The following GPR39 variants were observed in gnomAD, a reference collection of about 807,000 sequenced individuals.
The protein encoded by GPR39 is G protein-coupled receptor 39, also known as zinc sensing receptor.
GPR39 carries 23 observed loss-of-function variants against 18.4 expected under a neutral mutation model. The ratio of observed to expected loss-of-function variants is 1.25; its 90% CI spans 0.90 to 1.77. The LOEUF is 1.77. GPR39 is among the 40% of genes most tolerant of loss of function. The pLI is 0.00. For missense variants in GPR39, 647 were observed against 602.4 expected, an observed-to-expected ratio of 1.07 and a Z score of -0.78; for synonymous variants, 280 against 257.9, an observed-to-expected ratio of 1.09 and a Z score of -0.82.
chr2:132,427,402 C>T (rs928336323), intron 1 of GPR39, among the ~76,000 whole-genome samples: 4 of 150,228 alleles, frequency 2.7e-5, no homozygotes, highest in South Asian at 4.2e-4. Context: ...CTCCTGACCT[C>T]GTGATCCACC....
intron 1 of GPR39, among the ~76,000 whole-genome samples, chr2:132,589,351 G>T (rs1171644786): frequency 2.0e-5 from 3 of 152,198 alleles, no homozygotes; most frequent in Non-Finnish European, 4.4e-5. Flanking sequence ...GATCACTGGG[G>T]ACAGGATACA....
chr2:132,636,506 C>T (rs1007549842), intron 1 of GPR39, among the ~76,000 whole-genome samples: 2 of 152,210 alleles, frequency 1.3e-5, no homozygotes, highest in Non-Finnish European at 2.9e-5. Flanking sequence ...GCTAAGTGCA[C>T]TGGCTGGCTT....
chr2:132,575,939 T>C (rs2104818609), intron 1 of GPR39, among the ~76,000 whole-genome samples: 1 of 152,218 alleles, frequency 6.6e-6, no homozygotes, highest in African/African-American at 2.4e-5. Context: ...GGACTCCTTC[T>C]AACATGTGAG....
At chr2:132,544,915 C>T (rs534712481) in intron 1 of GPR39, among the ~76,000 whole-genome samples, 2 of 152,102 alleles carry the variant, frequency 1.3e-5, no homozygotes, top group South Asian at 2.1e-4. Flanking sequence ...AACAAAGGCA[C>T]CACTCAAAGG....
intron 1 of GPR39, chr2:132,488,564 A>G (rs1184022967): frequency 6.5e-6 from 1 of 153,334 alleles, no homozygotes; most frequent in Non-Finnish European, 1.5e-5. Context: ...ACTCAGCCAC[A>G]TTCTGCTCAG....
Position 132,645,125 on chromosome 2 carries a change from T to G in GPR39, c.881T>G (p.Val294Gly). 5.0e-6 allele frequency: 8 copies of G among 1,613,730 alleles called. No individual in the cohort carries two copies. The highest frequency in any genetic ancestry group is 1.3e-5 in the African/African-American group (1 of 75,060). ...FLRLIVVTLA[V>G]CWMPNQIRRI... ...GGGCTGATTGTTGTGACATTGGCCG[T>G]ATGCTGGATGCCCAACCAGATTCGG... The change falls in exon 2 of 2, where the codon GTA (valine) becomes GGA (glycine). Residue 294 changes from valine to glycine, a missense_variant. Coordinates refer to ENST00000329321, the MANE Select transcript of GPR39 (RefSeq NM_001508.3).
chr2:132,455,186 G>A (rs890108244), intron 1 of GPR39, among the ~76,000 whole-genome samples: 15 of 152,126 alleles, frequency 9.9e-5, no homozygotes, highest in South Asian at 4.2e-4. Context: ...TCAGAGATTC[G>A]ACTTCTTCCT....
At chr2:132,487,845 A>G (rs1681373223) in intron 1 of GPR39, among the ~76,000 whole-genome samples, 1 of 152,066 alleles carries the variant, frequency 6.6e-6, no homozygotes, top group Non-Finnish European at 1.5e-5. Flanking sequence ...AGAAAGGGAG[A>G]ATATTGGAAA....
At chr2:132,529,183 TAACA>T (rs1202141848) in intron 1 of GPR39, among the ~76,000 whole-genome samples, 1 of 152,154 alleles carries the variant, frequency 6.6e-6, no homozygotes, top group Non-Finnish European at 1.5e-5. Flanking sequence ...CCAACAGGCT[TAACA>T]AACAGCACAC....
intron 1 of GPR39, among the ~76,000 whole-genome samples, chr2:132,623,559 A>C (rs994817155): frequency 6.6e-6 from 1 of 152,356 alleles, no homozygotes; most frequent in South Asian, 2.1e-4. Context: ...CCCTTCAAAA[A>C]GCGAAGGCAA....
chr2:132,484,834 T>G (rs1208443682), intron 1 of GPR39, among the ~76,000 whole-genome samples: 1 of 152,220 alleles, frequency 6.6e-6, no homozygotes, highest in Non-Finnish European at 1.5e-5. Context: ...AAACCTCAGA[T>G]AGAAAATCGA....
intron 1 of GPR39, among the ~76,000 whole-genome samples, chr2:132,529,310 G>T (rs1679568324): frequency 6.6e-6 from 1 of 152,218 alleles, no homozygotes; most frequent in Non-Finnish European, 1.5e-5. Context: ...TGGGGGAGGG[G>T]CGCCCGCCAT....
chr2:132,615,757 G>A (rs999317449), intron 1 of GPR39, among the ~76,000 whole-genome samples: 22 of 152,148 alleles, frequency 1.4e-4, no homozygotes, highest in African/African-American at 5.3e-4. Flanking sequence ...AGGTTCACTT[G>A]CAAGTCACTG....
At chr2:132,601,245 A>G (rs1377594694) in intron 1 of GPR39, among the ~76,000 whole-genome samples, 4 of 152,224 alleles carry the variant, frequency 2.6e-5, no homozygotes, top group Non-Finnish European at 4.4e-5. Flanking sequence ...CTAACAGCAC[A>G]TCAAAAAGAT....
chr2:132,459,069 A>G (rs1680786922), intron 1 of GPR39, among the ~76,000 whole-genome samples: 5 of 152,184 alleles, frequency 3.3e-5, no homozygotes, highest in Admixed American at 3.3e-4. Context: ...TCCTCACTTT[A>G]CAGTGTACCT....
intron 1 of GPR39, among the ~76,000 whole-genome samples, chr2:132,498,527 A>G (rs771816419): frequency 2.6e-5 from 4 of 152,196 alleles, no homozygotes; most frequent in Non-Finnish European, 5.9e-5. Flanking sequence ...TTGTGCTGCT[A>G]TAAACATGCG....
chr2:132,645,945 A>G lies in GPR39; in HGVS notation c.*339A>G. ...GAACACGGACTCCCGCTCCCTACCC[A>G]GAATAAAAGGACACCCAGAAGAAAC... On this transcript the variant is annotated 3_prime_UTR_variant, in exon 2 of 2. Transcript: ENST00000329321. 10 of 884,136 alleles carry G rather than the reference A, an allele frequency of 1.1e-5. No homozygotes were observed. The South Asian group carries it at 1.9e-4, about 17-fold the overall frequency. The allele number at this position is 884,136 out of a possible 1,614,324, so 54.8% of individuals were successfully genotyped here.
chr2:132,547,201 G>A (rs1458637349), intron 1 of GPR39, among the ~76,000 whole-genome samples: 2 of 152,214 alleles, frequency 1.3e-5, no homozygotes, highest in Admixed American at 6.5e-5. Flanking sequence ...TCAGGTGGGG[G>A]ATGGAGGAAA....
chr2:132,575,581 G>A (rs1364103354), intron 1 of GPR39, among the ~76,000 whole-genome samples: 1 of 152,178 alleles, frequency 6.6e-6, no homozygotes. Flanking sequence ...ATGTATGAGG[G>A]ACACAGTTTT....
Sources: gnomAD v4.1 joint callset for allele counts (sites outside exome capture counted in the v4.1 genomes callset) on GRCh38, gnomAD v4.1.1 for gene constraint, MANE v1.5 for transcripts, NCBI Gene and HGNC (gene_info 2026-07-23, HGNC 2026-07-21) for gene names.